The following COBL variants were observed in gnomAD, a reference collection of about 807,000 sequenced individuals.
COBL encodes the protein protein cordon-bleu.
A neutral mutation model predicts 98.8 loss-of-function variants in COBL; 51 were observed. The observed-to-expected ratio is 0.52, with a 90% confidence interval of 0.41 to 0.65. The LOEUF (loss-of-function observed/expected upper bound fraction) is 0.65, where lower values mean the gene tolerates loss of function less well. Ranked by LOEUF, COBL falls within the 30% of genes least tolerant of loss-of-function variation. COBL has a pLI of 0.00. For synonymous variants in COBL, 634 were observed against 651.7 expected (o/e 0.97, Z 0.41); for missense variants, 1,617 against 1,617.5 (o/e 1.00, Z 0.01).
At chr7:51,105,742 C>T (rs1030415878) in intron 6 of COBL, among the ~76,000 whole-genome samples, 5 of 151,950 alleles carry the variant, frequency 3.3e-5, no homozygotes, top group Non-Finnish European at 5.9e-5. Context: ...GGCAACAGAA[C>T]AAGACCCCAT....
intron 6 of COBL, among the ~76,000 whole-genome samples, chr7:51,091,212 A>T (rs747669039): frequency 1.3e-5 from 2 of 152,236 alleles, no homozygotes; most frequent in Non-Finnish European, 1.5e-5. Flanking sequence ...ATAAATGGAA[A>T]TCTATGGCCA....
chr7:51,050,837 A>C (rs980048370), intron 7 of COBL, among the ~76,000 whole-genome samples: 2 of 152,190 alleles, frequency 1.3e-5, no homozygotes, highest in African/African-American at 4.8e-5. Flanking sequence ...ATTATGCATA[A>C]CTGGTCAAGA....
intron 1 of COBL, among the ~76,000 whole-genome samples, chr7:51,313,681 T>C (rs1803275285): frequency 6.6e-6 from 1 of 152,256 alleles, no homozygotes; most frequent in East Asian, 1.9e-4. Context: ...CAGCAAGCCT[T>C]CTTCTGTCCT....
chr7:51,284,061 G>A (rs895220174), intron 1 of COBL, among the ~76,000 whole-genome samples: 3 of 149,712 alleles, frequency 2.0e-5, no homozygotes, highest in Admixed American at 1.3e-4. Flanking sequence ...CAAGGTGGGC[G>A]GATCACAAAG....
rs111988139 is a variant in COBL, at chr7:51,235,493, G to GTGGGAGTTT, written c.42-15558_42-15550dup. ...TTGAACAACCAGATACAAAACTGTGGTGGGAGTTTTTGTTGCAGAACTTTT... is the reference window on the plus strand; with the variant it reads ...TTGAACAACCAGATACAAAACTGTGGTGGGAGTTTTGGGAGTTTTTGTTGCAGAACTTTT... On this transcript the variant is annotated intron_variant, in intron 1 of 12. Transcript: ENST00000265136. Among the ~76,000 whole-genome samples the GTGGGAGTTT allele has an allele frequency of 6.6e-3, 1,007 of 152,276 alleles. 7 individuals are homozygous for GTGGGAGTTT. Among genetic ancestry groups the GTGGGAGTTT allele is most frequent in the Middle Eastern group, 0.02 (6 of 294 alleles).
chr7:51,107,185 C>T lies in COBL; in HGVS notation c.958-21881G>A, dbSNP rs575423144. ...TCTTGGCTCACTGCAACCTCCACCT[C>T]CCAGGTTCAAGTGATTCTCCTGCCT... On this transcript the variant is annotated intron_variant, in intron 6 of 12. Transcript: ENST00000265136. Among the ~76,000 whole-genome samples, 20 of 151,100 alleles carry T rather than the reference C, an allele frequency of 1.3e-4. 1 individual carries two copies. In the South Asian group the frequency reaches 3.4e-3, roughly 25 times the overall value.
At chr7:51,303,498 G>A (rs143129930) in intron 1 of COBL, among the ~76,000 whole-genome samples, 7 of 152,280 alleles carry the variant, frequency 4.6e-5, no homozygotes, top group Admixed American at 6.5e-5. Flanking sequence ...CAGCCCTCCC[G>A]GATGGAGGGA....
chr7:51,024,137 A>G (rs2128865143), intron 12 of COBL, among the ~76,000 whole-genome samples: 1 of 152,120 alleles, frequency 6.6e-6, no homozygotes, highest in East Asian at 1.9e-4. Flanking sequence ...GTGAAACTCC[A>G]TCTCGACTAA....
At chr7:51,149,577 A>T (rs1785362381) in intron 5 of COBL, among the ~76,000 whole-genome samples, 1 of 152,102 alleles carries the variant, frequency 6.6e-6, no homozygotes, top group African/African-American at 2.4e-5. Flanking sequence ...CAAATTTATT[A>T]TTTCACTATT....
chr7:51,197,688 G>T (rs1045756429), intron 2 of COBL, among the ~76,000 whole-genome samples: 1 of 152,266 alleles, frequency 6.6e-6, no homozygotes, highest in Middle Eastern at 3.4e-3. Flanking sequence ...TTATGAGTCA[G>T]AGTGCTCCTG....
Position 51,265,696 on chromosome 7 carries a change from C to A in COBL, c.42-45752G>T, listed in dbSNP as rs544388499. The stretch of plus-strand genomic sequence containing the variant: ...GTAGGTGGGCTGGCTTCTCCGGACA[C>A]CTGTCCCTGCCAGGGCAGCCTGTGC... On this transcript the variant is annotated intron_variant, in intron 1 of 12. Transcript: ENST00000265136. Among the ~76,000 whole-genome samples, 6 of 152,290 alleles carry A rather than the reference C, an allele frequency of 3.9e-5. No individual in the cohort carries two copies. The East Asian group carries it at 9.7e-4, about 25-fold the overall frequency.
At chr7:51,098,944 A>G (rs191276394) in intron 6 of COBL, among the ~76,000 whole-genome samples, 2 of 152,188 alleles carry the variant, frequency 1.3e-5, no homozygotes, top group East Asian at 3.9e-4. Flanking sequence ...ACAAAGAGGC[A>G]AAGAATTTGA....
At chr7:51,117,382 C>CT (rs930121422) in intron 6 of COBL, among the ~76,000 whole-genome samples, 276 of 151,578 alleles carry the variant, frequency 1.8e-3, no homozygotes, top group African/African-American at 6.2e-3. Context: ...TGGGGATCTA[C>CT]TTTTTTTTCC....
At chr7:51,131,041 G>A (rs1798689232) in intron 6 of COBL, among the ~76,000 whole-genome samples, 1 of 151,940 alleles carries the variant, frequency 6.6e-6, no homozygotes, top group Non-Finnish European at 1.5e-5. Flanking sequence ...AGTCTATTTT[G>A]GGTTATACTA....
At chr7:51,148,533 G>A (rs1011422833) in intron 5 of COBL, among the ~76,000 whole-genome samples, 4 of 152,124 alleles carry the variant, frequency 2.6e-5, no homozygotes, top group African/African-American at 9.7e-5. Context: ...TGTCCATGTC[G>A]CTAAGGTCTT....
At chr7:51,222,151 T>G (rs1793712713) in intron 1 of COBL, among the ~76,000 whole-genome samples, 1 of 152,082 alleles carries the variant, frequency 6.6e-6, no homozygotes, top group Non-Finnish European at 1.5e-5. Flanking sequence ...ATCGCACCAC[T>G]GCACCCCAGC....
intron 1 of COBL, among the ~76,000 whole-genome samples, chr7:51,244,866 G>A (rs1204237578): frequency 6.6e-6 from 1 of 152,150 alleles, no homozygotes; most frequent in Non-Finnish European, 1.5e-5. Context: ...AGACCCCAGG[G>A]AGTTCCTGCA....
rs938280899 is a variant in COBL, at chr7:51,226,368, C to T, written c.42-6424G>A. On this transcript the variant is annotated intron_variant, in intron 1 of 12. Coordinates refer to ENST00000265136, the MANE Select transcript of COBL (RefSeq NM_015198.5). ...ATGTTTGCTTCATCCTGTTTACAAG[C>T]GGTACATAAGCTGCGTCTGGTTTGT... is the stretch of plus-strand genomic sequence containing the variant. 1.1e-4 allele frequency among the ~76,000 whole-genome samples: 16 copies of T among 152,268 alleles called. 1 individual carries two copies. Among genetic ancestry groups the T allele is most frequent in the East Asian group, 7.7e-4 (4 of 5,176 alleles).
At chr7:51,036,333 T>C (rs1465667244) in intron 8 of COBL, among the ~76,000 whole-genome samples, 1 of 95,394 alleles carries the variant, frequency 1.0e-5, no homozygotes, top group Non-Finnish European at 1.8e-5. Context: ...TGAGACTCCG[T>C]CTCAAAAAAA....
Sources: allele counts gnomAD v4.1 joint callset (sites outside exome capture counted in the v4.1 genomes callset), GRCh38; gene constraint gnomAD v4.1.1; transcripts MANE v1.5; gene names NCBI Gene and HGNC (gene_info 2026-07-23, HGNC 2026-07-21).